The following CDK10 variants were observed in gnomAD, a reference collection of about 807,000 sequenced individuals.
CDK10 encodes the protein cyclin dependent kinase 10.
In CDK10, 55 loss-of-function variants were observed where a neutral mutation model predicts 51.0. The observed-to-expected ratio is 1.08, with a 90% CI of 0.87 to 1.35. The LOEUF (loss-of-function observed/expected upper bound fraction) is 1.35. Among genes scored for constraint, CDK10 ranks in the 40% most tolerant of loss-of-function variants. CDK10 has a pLI of 0.00. For missense variants in CDK10, 589 were observed against 485.1 expected (o/e 1.21, Z -2.01); for synonymous variants, 255 against 199.1 (o/e 1.28, Z -2.36).
chr16:89,695,893 G>T lies in CDK10; in HGVS notation c.*201G>T. 1 of 1,234,720 alleles carries T rather than the reference G, an allele frequency of 8.1e-7. No homozygotes were observed. The highest frequency in any genetic ancestry group is 1.1e-6 in the Non-Finnish European group (1 of 877,584). The allele number at this position is 1,234,720 out of a possible 1,614,324, so 76.5% of individuals were successfully genotyped here. A position where few individuals can be genotyped will look rare whatever the true frequency, so the allele number is the denominator to read the frequency against. Reference sequence around the variant, plus strand: ...GAAAAAGGCCGGGTGACACCGGGGGGCTCCCAGCCCGTGCACCCTGGAAGG... The same window carrying T: ...GAAAAAGGCCGGGTGACACCGGGGGTCTCCCAGCCCGTGCACCCTGGAAGG... On this transcript the variant is annotated 3_prime_UTR_variant, in exon 13 of 13. Transcript: ENST00000353379.
At chr16:89,694,499 C>T in intron 9 of CDK10, 166 bp from the exon 10 acceptor site, 1 of 1,301,330 alleles carries the variant, frequency 7.7e-7, no homozygotes, top group Non-Finnish European at 1.1e-6. Flanking sequence ...CTGCGGGGCC[C>T]AGGAGGGGAG....
intron 1 of CDK10, chr16:89,687,028 C>A (rs3794638): frequency 0.17 from 72,967 of 439,974 alleles, 8,299 homozygotes; most frequent in African/African-American, 0.43. Flanking sequence ...GGATGCCTCG[C>A]GCCCGCGGAG....
At chr16:89,690,464 C>G (rs2060393692) in intron 2 of CDK10, 89 bp from the exon 3 acceptor site, 1 of 1,129,808 alleles carries the variant, frequency 8.9e-7, no homozygotes. Context: ...ACGGGGACCC[C>G]TGTGGCTCAG....
At chr16:89,688,163 G>A (rs1312354707) in intron 1 of CDK10, among the ~76,000 whole-genome samples, 1 of 142,992 alleles carries the variant, frequency 7.0e-6, no homozygotes, top group Admixed American at 7.5e-5. Context: ...CTCACTGCAA[G>A]CTCCACCTCC....
At chr16:89,689,124 C>A in intron 1 of CDK10, 128 bp from the exon 2 acceptor site, 2 of 784,274 alleles carry the variant, frequency 2.6e-6, no homozygotes, top group Non-Finnish European at 2.2e-6. Context: ...AAAGCCCAAA[C>A]GTGTGGTTGC....
chr16:89,687,590 G>T (rs912708602), intron 1 of CDK10: 3 of 447,472 alleles, frequency 6.7e-6, no homozygotes, highest in Admixed American at 2.4e-5. Flanking sequence ...TTGAGACAGG[G>T]TCTAGCGCTC....
intron 3 of CDK10, 107 bp downstream of exon 3, chr16:89,690,731 C>A: frequency 1.0e-6 from 1 of 986,500 alleles, no homozygotes; most frequent in South Asian, 1.3e-5. Flanking sequence ...TAGCGGGGGC[C>A]GGCCTCTGGG....
At chr16:89,691,731 C>G in intron 4 of CDK10, 75 bp from the exon 5 acceptor site, 1 of 1,453,854 alleles carries the variant, frequency 6.9e-7, no homozygotes, top group South Asian at 1.1e-5. Context: ...ATGTCCCCTC[C>G]TGCAGCAGGG....
chr16:89,695,554 G>A, intron 12 of CDK10, 41 bp from the exon 13 acceptor site: 2 of 1,573,890 alleles, frequency 1.3e-6, no homozygotes, highest in Non-Finnish European at 1.7e-6. Context: ...CCTCCTATCT[G>A]GGGCCCTGCC....
At position 89,691,813 on chromosome 16, in the gene CDK10, C is replaced by T. The variant is rs1402206437; in HGVS notation, c.343C>T (p.Leu115=). The T allele has an allele frequency of 1.1e-5, 17 of 1,613,850 alleles. No individual in the cohort carries two copies. The highest frequency in any genetic ancestry group is 3.3e-5 in the South Asian group (3 of 91,086). ...VVGNHLESIF[L]VMGYCEQDLA... is the part of the protein sequence containing the mutation. ...ATCTTCTGTTTCTTCCAGCATCTTCCTGGTGATGGGTTACTGTGAGCAGGA... is the reference window on the plus strand; with the variant it reads ...ATCTTCTGTTTCTTCCAGCATCTTCTTGGTGATGGGTTACTGTGAGCAGGA... The change falls in exon 5 of 13, where the codon CTG becomes TTG. Residue 115 remains leucine, a synonymous_variant. Transcript: ENST00000353379.
chr16:89,694,029 G>C (rs1567522010), intron 8 of CDK10, 144 bp from the exon 9 acceptor site: 1 of 763,888 alleles, frequency 1.3e-6, no homozygotes, highest in Non-Finnish European at 2.3e-6. Flanking sequence ...GTGCCACCTG[G>C]ATCTGCAGGG....
chr16:89,687,512 G>T (rs2060247740), intron 1 of CDK10: 1 of 456,070 alleles, frequency 2.2e-6, no homozygotes, highest in Non-Finnish European at 4.4e-6. Flanking sequence ...GGCGCTCACC[G>T]CGTTGAGAGC....
rs2060537744 is a variant in CDK10, at chr16:89,693,257, CTG to C, written c.486-15_486-14del. The C allele has an allele frequency of 3.7e-6, 6 of 1,613,860 alleles. No homozygotes were observed. Among genetic ancestry groups the C allele is most frequent in the Non-Finnish European group, 5.1e-6 (6 of 1,179,974 alleles). ...GTGGCCCTCTGGGAGCCACCTGCCA[CTG>C]TTTTTCCATCACAGGGACCTGAAGG... On this transcript the variant is annotated splice_polypyrimidine_tract_variant and intron_variant, in intron 6 of 12. Transcript: ENST00000353379.
In CDK10 at chr16:89,695,273, A is replaced by G; in HGVS notation, c.933-20A>G. 2 of 1,605,422 alleles carry G rather than the reference A, an allele frequency of 1.2e-6. No homozygotes were observed. The highest frequency in any genetic ancestry group is 1.7e-6 in the Non-Finnish European group (2 of 1,175,180). ...GAAGCCGCACTCACAAGTCGCACTA[A>G]CGCAGGCTGCCTCCTCCAGGGCGAC... On this transcript the variant is annotated intron_variant, in intron 11 of 12. Coordinates refer to ENST00000353379, the MANE Select transcript of CDK10 (RefSeq NM_052988.5).
rs761621981 is a variant in CDK10, at chr16:89,686,694, C to T, written c.-17C>T. ...CGTCTGCGCCTGCGCGCAAGAGAGGCGGGGCCAGCGCTCGGCATGGCGGAG... is the reference window on the plus strand; with the variant it reads ...CGTCTGCGCCTGCGCGCAAGAGAGGTGGGGCCAGCGCTCGGCATGGCGGAG... On this transcript the variant is annotated 5_prime_UTR_variant, in exon 1 of 13. Transcript: ENST00000353379. 3.8e-6 allele frequency: 6 copies of T among 1,567,216 alleles called. No individual in the cohort carries two copies. The East Asian group carries it at 7.2e-5, about 19-fold the overall frequency.
intron 1 of CDK10, 82 bp downstream of exon 1, chr16:89,686,879 C>G (rs1371142304): frequency 2.4e-6 from 3 of 1,231,512 alleles, no homozygotes; most frequent in Non-Finnish European, 3.4e-6. Context: ...TCGTGTCGCG[C>G]TGCCGCGCCG....
At chr16:89,694,123 G>T in intron 8 of CDK10, 50 bp from the exon 9 acceptor site, 9 of 1,588,562 alleles carry the variant, frequency 5.7e-6, no homozygotes, top group Non-Finnish European at 7.8e-6. Flanking sequence ...TGGAGGCCTG[G>T]GCTGGGGGAG....
At position 89,691,433 on chromosome 16, in the gene CDK10, C is replaced by T; in HGVS notation, c.233-10C>T. 1 of 1,595,834 alleles carries T rather than the reference C, an allele frequency of 6.3e-7. No homozygotes were observed. Among genetic ancestry groups the T allele is most frequent in the Non-Finnish European group, 8.6e-7 (1 of 1,169,448 alleles). On this transcript the variant is annotated splice_polypyrimidine_tract_variant and intron_variant, in intron 3 of 12. Coordinates refer to ENST00000353379, the MANE Select transcript of CDK10 (RefSeq NM_052988.5). ...GGGGTGGGGCTCGCTGAGGCCACCTCCCTCCCCAGGCATCCCCATCAGCAG... is the reference window on the plus strand; with the variant it reads ...GGGGTGGGGCTCGCTGAGGCCACCTTCCTCCCCAGGCATCCCCATCAGCAG...
chr16:89,688,015 A>C (rs550113097), intron 1 of CDK10, among the ~76,000 whole-genome samples: 237 of 143,612 alleles, frequency 1.7e-3, no homozygotes, highest in African/African-American at 5.6e-3. Context: ...TTTGATACTG[A>C]GGGTTAAGAG....
Sources: allele counts gnomAD v4.1 joint callset (sites outside exome capture counted in the v4.1 genomes callset), GRCh38; gene constraint gnomAD v4.1.1; transcripts MANE v1.5; gene names NCBI Gene and HGNC (gene_info 2026-07-23, HGNC 2026-07-21).